DMD: variants seen among roughly 807,000 people sequenced by gnomAD.
DMD encodes dystrophin.
A neutral mutation model predicts 330.1 loss-of-function variants in DMD; 63 were observed. The observed-to-expected ratio is 0.19, with a 90% CI of 0.16 to 0.24. The LOEUF is 0.24. DMD is among the 10% of genes least tolerant of loss of function. DMD has a pLI of 1.00. For synonymous variants in DMD, 1,223 were observed against 959.8 expected (o/e 1.27, Z -5.07); for missense variants, 3,344 against 2,684.1 (o/e 1.25, Z -5.43).
intron 48 of DMD, among the ~76,000 whole-genome samples, chrX:31,856,265 A>AAT (rs2093611740): frequency 8.9e-6 from 1 of 111,911 alleles, no homozygotes; most frequent in African/African-American, 3.2e-5. Flanking sequence ...AGCAATTTGC[A>AAT]ATATATGATA....
At chrX:32,492,463 C>A (rs941322474) in intron 19 of DMD, among the ~76,000 whole-genome samples, 1 of 112,278 alleles carries the variant, frequency 8.9e-6, no homozygotes, top group South Asian at 3.7e-4. Context: ...TGTAGTAATA[C>A]CAAACCCAGA....
intron 2 of DMD, among the ~76,000 whole-genome samples, chrX:32,891,963 C>CAGTAT (rs1273231286): frequency 9.0e-6 from 1 of 111,218 alleles, no homozygotes; most frequent in Non-Finnish European, 1.9e-5. Flanking sequence ...TGCCAATGAA[C>CAGTAT]AGTATAGCCA....
At chrX:32,928,412 T>C (rs1480349329) in intron 2 of DMD, among the ~76,000 whole-genome samples, 1 of 111,200 alleles carries the variant, frequency 9.0e-6, no homozygotes, top group African/African-American at 3.3e-5. Flanking sequence ...CCCTTGTCTT[T>C]TGGTGTATAT....
At chrX:31,778,148 T>G (rs780416544) in intron 50 of DMD, among the ~76,000 whole-genome samples, 2 of 112,752 alleles carry the variant, frequency 1.8e-5, no homozygotes, top group South Asian at 7.3e-4. Context: ...GAATAAGAAG[T>G]GTGTAACTAA....
chrX:32,964,945 T>C (rs1420343915), intron 2 of DMD, among the ~76,000 whole-genome samples: 1 of 111,839 alleles, frequency 8.9e-6, no homozygotes, highest in Non-Finnish European at 1.9e-5. Flanking sequence ...TGACTACAAG[T>C]AGCTCTCTAG....
At chrX:32,306,024 T>C (rs1232880970) in intron 42 of DMD, among the ~76,000 whole-genome samples, 2 of 106,855 alleles carry the variant, frequency 1.9e-5, no homozygotes, top group East Asian at 2.9e-4. Context: ...GTAGTGGTCC[T>C]ATATCCCCTT....
chrX:32,765,605 T>C (rs2072887235), intron 7 of DMD, among the ~76,000 whole-genome samples: 1 of 112,061 alleles, frequency 8.9e-6, no homozygotes, highest in African/African-American at 3.2e-5. Context: ...AGTCTGGATA[T>C]TAATTCCCTA....
intron 59 of DMD, among the ~76,000 whole-genome samples, chrX:31,465,417 C>T (rs767603635): frequency 3.6e-5 from 4 of 110,666 alleles, no homozygotes; most frequent in Admixed American, 1.9e-4. Flanking sequence ...CATGGGCTCT[C>T]GTTGTTCAAC....
At chrX:33,268,319 A>C (rs1487841913) in intron 1 of DMD, among the ~76,000 whole-genome samples, 1 of 111,346 alleles carries the variant, frequency 9.0e-6, no homozygotes, top group Non-Finnish European at 1.9e-5. Flanking sequence ...AGTCCCCAAA[A>C]GTAATTGTAA....
chrX:31,557,598 T>C (rs756614867), intron 55 of DMD, among the ~76,000 whole-genome samples: 3 of 112,240 alleles, frequency 2.7e-5, no homozygotes, highest in African/African-American at 9.7e-5. Context: ...AATTAGTACA[T>C]TGTTTAACAC....
intron 18 of DMD, among the ~76,000 whole-genome samples, chrX:32,516,280 A>T (rs1404007430): frequency 1.8e-5 from 2 of 111,803 alleles, no homozygotes; most frequent in African/African-American, 6.5e-5. Flanking sequence ...ATTTAGCCTG[A>T]GGGAAACATC....
intron 44 of DMD, among the ~76,000 whole-genome samples, chrX:32,047,370 C>A (rs1463403096): frequency 9.0e-6 from 1 of 111,199 alleles, no homozygotes; most frequent in Non-Finnish European, 1.9e-5. Context: ...ATCCTAATAA[C>A]CACCTTCCAA....
At chrX:31,393,268 G>A (rs2060758664) in intron 60 of DMD, among the ~76,000 whole-genome samples, 1 of 110,729 alleles carries the variant, frequency 9.0e-6, no homozygotes, top group Non-Finnish European at 1.9e-5. Flanking sequence ...ACAAGATCAG[G>A]AGTTCGAGAC....
intron 41 of DMD, among the ~76,000 whole-genome samples, chrX:32,318,022 TA>T (rs1459009469): frequency 9.0e-6 from 1 of 111,117 alleles, no homozygotes; most frequent in Non-Finnish European, 1.9e-5. Context: ...ATGGATTATT[TA>T]AAAGTAATAA....
chrX:32,420,228 C>T lies in DMD; in HGVS notation c.4072-8315G>A, dbSNP rs760944894. On this transcript the variant is annotated intron_variant, in intron 29 of 78. Coordinates refer to ENST00000357033, the MANE Select transcript of DMD (RefSeq NM_004006.3). ...TTAGGCAGTGAATAATTTATTGATA[C>T]AGGAAATAATTAAAATATTTAAGTC... is the stretch of plus-strand genomic sequence containing the variant. Among the ~76,000 whole-genome samples, 8 of 111,522 alleles carry T rather than the reference C, an allele frequency of 7.2e-5. No homozygotes were observed. In the East Asian group the frequency reaches 1.7e-3, roughly 24 times the overall value.
rs745629670 is a variant in DMD at position 31,452,882 on chromosome X, G to C, written c.8938-8255C>G. Among the ~76,000 whole-genome samples the C allele has an allele frequency of 4.5e-5, 5 of 111,892 alleles. No individual in the cohort carries two copies. In the South Asian group the frequency reaches 1.9e-3, roughly 42 times the overall value. On this transcript the variant is annotated intron_variant, in intron 59 of 78. Transcript: ENST00000357033. Reference sequence around the variant, plus strand: ...GGGAAGTATTGACCACAAAGGAAAAGTTTTTATTTTTAAGAACAAGTTGAA... The same window carrying C: ...GGGAAGTATTGACCACAAAGGAAAACTTTTTATTTTTAAGAACAAGTTGAA...
intron 17 of DMD, among the ~76,000 whole-genome samples, chrX:32,531,769 A>G (rs971513675): frequency 9.0e-6 from 1 of 110,936 alleles, no homozygotes; most frequent in Non-Finnish European, 1.9e-5. Flanking sequence ...TAAAAAAAAA[A>G]TAAGGATAAG....
chrX:32,027,183 CAG>C lies in DMD; in HGVS notation c.6439-58671_6439-58670del, dbSNP rs1557075867. ...GCACGTGCACACACACACACACACACAGAGAGAGAGAGAGAGAGAGAGAAGCG... is the reference window on the plus strand; with the variant it reads ...GCACGTGCACACACACACACACACACAGAGAGAGAGAGAGAGAGAGAAGCG... On this transcript the variant is annotated intron_variant, in intron 44 of 78. Transcript: ENST00000357033. 7.0e-3 allele frequency among the ~76,000 whole-genome samples: 684 copies of C among 97,465 alleles called. 10 individuals are homozygous for C. Among genetic ancestry groups the C allele is most frequent in the African/African-American group, 0.025 (632 of 25,573 alleles). 84.6% of individuals were successfully genotyped at this position (97,465 alleles called of 115,157 possible).
intron 44 of DMD, 112 bp downstream of exon 44, chrX:32,216,804 C>T (rs2097113908): frequency 4.4e-6 from 3 of 681,655 alleles, no homozygotes; most frequent in African/African-American, 2.2e-5. Context: ...ATGATGACAA[C>T]AACAGTCAAA....
Sources: gnomAD v4.1 joint callset for allele counts (sites outside exome capture counted in the v4.1 genomes callset) on GRCh38, gnomAD v4.1.1 for gene constraint, MANE v1.5 for transcripts, NCBI Gene and HGNC (gene_info 2026-07-23, HGNC 2026-07-21) for gene names.